Variants in ZNF430 observed in about 807,000 individuals in gnomAD.
ZNF430 encodes zinc finger protein 430.
ZNF430 carries 35 observed loss-of-function variants against 56.7 expected under a neutral mutation model. The ratio of observed to expected loss-of-function variants is 0.62; its 90% CI spans 0.47 to 0.82. The LOEUF (loss-of-function observed/expected upper bound fraction) is 0.82, where lower values mean the gene tolerates loss of function less well. Ranked by LOEUF, ZNF430 falls within the 40% of genes least tolerant of loss-of-function variation. The pLI, the probability that ZNF430 is intolerant of heterozygous loss-of-function variation, is 0.00. For synonymous variants in ZNF430, 212 were observed against 224.3 expected, an observed-to-expected ratio of 0.94 and a Z score of 0.49; for missense variants, 574 against 661.0, an observed-to-expected ratio of 0.87 and a Z score of 1.44.
chr19:21,020,772 A>G lies in ZNF430; in HGVS notation c.-29A>G. 1.2e-6 allele frequency: 2 copies of G among 1,613,628 alleles called. No homozygotes were observed. The highest frequency in any genetic ancestry group is 1.7e-6 in the Non-Finnish European group (2 of 1,179,708). On this transcript the variant is annotated 5_prime_UTR_variant, in exon 1 of 5. Transcript: ENST00000261560. ...GCAGGTATTGGGAGATCTACAGCTA[A>G]GACGCCAGGAACCCCTGGAAGCCTA...
In ZNF430 at chr19:21,057,559, T is replaced by C; in HGVS notation, c.1251T>C (p.Thr417=). ...GKGFNWSSTL[T]KHKRIHTGEK... is the part of the protein sequence containing the mutation. ...GCTTTAATTGGTCCTCGACCCTTAC[T>C]AAACATAAAAGAATTCATACTGGAG... The change falls in exon 5 of 5, where the codon ACT becomes ACC. Residue 417 remains threonine (T), a synonymous_variant. Coordinates refer to ENST00000261560, the MANE Select transcript of ZNF430 (RefSeq NM_025189.4). 2 of 1,613,376 alleles carry C rather than the reference T, an allele frequency of 1.2e-6. No homozygotes were observed. The highest frequency in any genetic ancestry group is 1.7e-6 in the Non-Finnish European group (2 of 1,179,960).
At position 21,037,237 on chromosome 19, in the gene ZNF430, C is replaced by A. The variant is rs575097121; in HGVS notation, c.322+3053C>A. On this transcript the variant is annotated intron_variant, in intron 4 of 4. Transcript: ENST00000261560. Reference sequence around the variant, plus strand: ...TCAAGCGATTCTCCTGCCTCAGCCTCCCGAGTAGCTGGGACTACAGGCATG... The same window carrying A: ...TCAAGCGATTCTCCTGCCTCAGCCTACCGAGTAGCTGGGACTACAGGCATG... Among the ~76,000 whole-genome samples, 5 of 151,914 alleles carry A rather than the reference C, an allele frequency of 3.3e-5. No homozygotes were observed. The East Asian group carries it at 9.6e-4, about 29-fold the overall frequency.
intron 4 of ZNF430, chr19:21,036,711 G>A (rs976334851): frequency 6.6e-6 from 1 of 151,438 alleles, no homozygotes; most frequent in Non-Finnish European, 1.5e-5. Context: ...ACTGAGGTGG[G>A]AGGGTTACTT....
At chr19:21,032,722 C>T (rs1967925638) in intron 2 of ZNF430, among the ~76,000 whole-genome samples, 1 of 151,428 alleles carries the variant, frequency 6.6e-6, no homozygotes, top group Non-Finnish European at 1.5e-5. Context: ...AGCAAAACTC[C>T]ATCTCAAAGA....
At position 21,057,956 on chromosome 19, in the gene ZNF430, T is replaced by C; in HGVS notation, c.1648T>C (p.Phe550Leu). 1 of 1,613,228 alleles carries C rather than the reference T, an allele frequency of 6.2e-7. No individual in the cohort carries two copies. The highest frequency in any genetic ancestry group is 8.5e-7 in the Non-Finnish European group (1 of 1,179,694). Residue 550 changes from phenylalanine (F) to leucine (L), a missense_variant, in exon 5 of 5, where the codon TTC (phenylalanine) becomes CTC (leucine). Transcript: ENST00000261560. ...CAACTGTGAAGAATACGGCAAAGCT[T>C]TCAACCAGTCCTCAAACCTTATTGA... is the stretch of plus-strand genomic sequence containing the variant. ...PYNCEEYGKA[F>L]NQSSNLIEQS... is the part of the protein sequence containing the mutation.
chr19:21,029,545 G>T (rs1291895013), intron 2 of ZNF430, among the ~76,000 whole-genome samples: 1 of 152,130 alleles, frequency 6.6e-6, no homozygotes, highest in Non-Finnish European at 1.5e-5. Flanking sequence ...TACCTTGGTG[G>T]CAGAGAGAAC....
chr19:21,052,333 T>G lies in ZNF430; in HGVS notation c.323-4298T>G, dbSNP rs111803911. On this transcript the variant is annotated intron_variant, in intron 4 of 4. Transcript: ENST00000261560. ...TTCTCTATACCTCTGTTAGAAATAGTTGTTTTATACTGCCTTCAAGTCCTC... is the reference window on the plus strand; with the variant it reads ...TTCTCTATACCTCTGTTAGAAATAGGTGTTTTATACTGCCTTCAAGTCCTC... Among the ~76,000 whole-genome samples, 155 of 152,300 alleles carry G rather than the reference T, an allele frequency of 1.0e-3. 1 individual carries two copies. Among genetic ancestry groups the G allele is most frequent in the African/African-American group, 3.2e-3 (133 of 41,570 alleles).
In ZNF430 at chr19:21,058,242, C is replaced by T. The variant is rs892073127; in HGVS notation, c.*221C>T. The T allele has an allele frequency of 1.3e-5, 7 of 518,630 alleles. No individual in the cohort carries two copies. Among genetic ancestry groups the T allele is most frequent in the African/African-American group, 5.7e-5 (3 of 52,402 alleles). The allele number at this position is 518,630 out of a possible 1,614,324, so 32.1% of individuals were successfully genotyped here. A position where few individuals can be genotyped will look rare whatever the true frequency, so the allele number is the denominator to read the frequency against. ...GGTGAATTACATGAGGTTGGGAGTT[C>T]GAGACCAGCCTGACCAACATGGTGA... On this transcript the variant is annotated 3_prime_UTR_variant, in exon 5 of 5. Transcript: ENST00000261560.
intron 4 of ZNF430, among the ~76,000 whole-genome samples, chr19:21,051,124 T>C (rs1037734131): frequency 1.3e-5 from 2 of 152,198 alleles, no homozygotes; most frequent in Non-Finnish European, 2.9e-5. Context: ...TAAATCTCAA[T>C]ACACATTAAA....
rs1426409395 is a variant in ZNF430 at position 21,020,677 on chromosome 19, C to T, written c.-124C>T. The stretch of plus-strand genomic sequence containing the variant: ...CCTTTGTCCCTCGCTGTGGCCTGAG[C>T]TCCAGGTCTCGTCTTCAGCGCTCTG... On this transcript the variant is annotated 5_prime_UTR_variant, in exon 1 of 5. Transcript: ENST00000261560. 2 of 1,421,764 alleles carry T rather than the reference C, an allele frequency of 1.4e-6. No individual in the cohort carries two copies. The highest frequency in any genetic ancestry group is 2.9e-5 in the African/African-American group (2 of 69,728). The allele number at this position is 1,421,764 out of a possible 1,614,324, so 88.1% of individuals were successfully genotyped here.
rs368872576 is a variant in ZNF430 at position 21,020,816 on chromosome 19, G to T, written c.3+13G>T. 2 of 1,613,890 alleles carry T rather than the reference G, an allele frequency of 1.2e-6. No individual in the cohort carries two copies. The highest frequency in any genetic ancestry group is 1.7e-4 in the Middle Eastern group (1 of 6,060). On this transcript the variant is annotated intron_variant, in intron 1 of 4. Coordinates refer to ENST00000261560, the MANE Select transcript of ZNF430 (RefSeq NM_025189.4). ...AAGCCTAGAAATGGTGAGAGTGCCG[G>T]GTCCGACATCCCCAGAGAGGGGAGG...
chr19:21,057,854 C>T lies in ZNF430; in HGVS notation c.1546C>T (p.Leu516=), dbSNP rs150512050. 8.4e-5 allele frequency: 135 copies of T among 1,613,392 alleles called. No homozygotes were observed. In the African/African-American group the frequency reaches 1.6e-3, roughly 19 times the overall value. ...THIGDTSYKY[L]ECDKAFSQSS... Reference sequence around the variant, plus strand: ...TATTGGAGATACATCTTACAAATACCTAGAATGTGATAAAGCCTTTAGCCA... The same window carrying T: ...TATTGGAGATACATCTTACAAATACTTAGAATGTGATAAAGCCTTTAGCCA... Residue 516 remains leucine, a synonymous_variant, in exon 5 of 5, where the codon CTA becomes TTA. Coordinates refer to ENST00000261560, the MANE Select transcript of ZNF430 (RefSeq NM_025189.4).
intron 2 of ZNF430, among the ~76,000 whole-genome samples, chr19:21,029,251 A>G (rs1203046949): frequency 6.6e-6 from 1 of 152,080 alleles, no homozygotes; most frequent in Non-Finnish European, 1.5e-5. Flanking sequence ...GATGTGTCCA[A>G]AAAAAATTGG....
At position 21,058,078 on chromosome 19, in the gene ZNF430, A is replaced by G. The variant is rs1483416458; in HGVS notation, c.*57A>G. On this transcript the variant is annotated 3_prime_UTR_variant, in exon 5 of 5. Coordinates refer to ENST00000261560, the MANE Select transcript of ZNF430 (RefSeq NM_025189.4). ...ATTCTTACTAAACATAAGAACATTCATACTGAAGAGGAACCCTATGAGTGT... is the reference window on the plus strand; with the variant it reads ...ATTCTTACTAAACATAAGAACATTCGTACTGAAGAGGAACCCTATGAGTGT... 22 of 1,488,328 alleles carry G rather than the reference A, an allele frequency of 1.5e-5. 1 individual carries two copies. Among genetic ancestry groups the G allele is most frequent in the South Asian group, 2.5e-5 (2 of 79,736 alleles). 92.2% of individuals were successfully genotyped at this position (1,488,328 alleles called of 1,614,324 possible).
In ZNF430 at chr19:21,057,917, G is replaced by A; in HGVS notation, c.1609G>A (p.Gly537Arg). The A allele has an allele frequency of 1.9e-6, 3 of 1,613,412 alleles. No homozygotes were observed. The highest frequency in any genetic ancestry group is 2.5e-6 in the Non-Finnish European group (3 of 1,179,820). ...TACTAAACATAAGGTAATTCATACTGGAGAGAAACCCTACAACTGTGAAGA... is the reference window on the plus strand; with the variant it reads ...TACTAAACATAAGGTAATTCATACTAGAGAGAAACCCTACAACTGTGAAGA... ...TLTKHKVIHT[G>R]EKPYNCEEYG... The change falls in exon 5 of 5, where the codon GGA (glycine) becomes AGA (arginine). Residue 537 changes from glycine (G) to arginine (R), a missense_variant. Around this residue, in one of 3 missense-constraint regions of ZNF430, gnomAD observed 213 missense variants for 221.0 expected, o/e 0.96. Coordinates refer to ENST00000261560, the MANE Select transcript of ZNF430 (RefSeq NM_025189.4).
intron 4 of ZNF430, among the ~76,000 whole-genome samples, chr19:21,053,192 A>G (rs1482536928): frequency 6.6e-6 from 1 of 151,040 alleles, no homozygotes; most frequent in Non-Finnish European, 1.5e-5. Context: ...GGTGGGGTGG[A>G]GGGGGTGTGG....
chr19:21,055,094 G>T (rs1968350671), intron 4 of ZNF430, among the ~76,000 whole-genome samples: 1 of 151,594 alleles, frequency 6.6e-6, no homozygotes, highest in South Asian at 2.1e-4. Flanking sequence ...ATTTTCTGTA[G>T]TTCTCTATGT....
intron 2 of ZNF430, among the ~76,000 whole-genome samples, chr19:21,028,754 C>T (rs997922239): frequency 5.9e-5 from 9 of 152,032 alleles, no homozygotes; most frequent in South Asian, 2.1e-4. Context: ...GGCGCGATCT[C>T]GGCTCACTGC....
chr19:21,051,573 A>C (rs1968284679), intron 4 of ZNF430, among the ~76,000 whole-genome samples: 1 of 152,118 alleles, frequency 6.6e-6, no homozygotes, highest in South Asian at 2.1e-4. Context: ...GGCGCACTGC[A>C]ACCTCCACCT....
Sources: allele counts gnomAD v4.1 joint callset (sites outside exome capture counted in the v4.1 genomes callset), GRCh38; gene constraint gnomAD v4.1.1; regional missense constraint gnomAD v4.1.1; transcripts MANE v1.5; gene names NCBI Gene and HGNC (gene_info 2026-07-23, HGNC 2026-07-21).